UBE2E1: variants seen among roughly 807,000 people sequenced by gnomAD.
UBE2E1 encodes ubiquitin conjugating enzyme E2 E1.
Under a neutral mutation model 21.4 loss-of-function variants are expected in UBE2E1, and 6 were observed. The observed-to-expected ratio is 0.28, with a 90% CI of 0.15 to 0.55. The LOEUF (loss-of-function observed/expected upper bound fraction) is 0.55. Ranked by LOEUF, UBE2E1 falls within the 20% of genes least tolerant of loss-of-function variation. The pLI is 0.93. For synonymous variants in UBE2E1, 87 were observed against 82.7 expected, an observed-to-expected ratio of 1.05 and a Z score of -0.28; for missense variants, 142 against 236.5, an observed-to-expected ratio of 0.60 and a Z score of 2.62.
At chr3:23,865,752 A>G (rs2125316188) in intron 3 of UBE2E1, among the ~76,000 whole-genome samples, 1 of 152,316 alleles carries the variant, frequency 6.6e-6, no homozygotes, top group Non-Finnish European at 1.5e-5. Context: ...ACCAACTGAT[A>G]CCAACATGAA....
chr3:23,811,728 G>T (rs1000754495), intron 3 of UBE2E1, among the ~76,000 whole-genome samples: 7 of 152,174 alleles, frequency 4.6e-5, no homozygotes, highest in African/African-American at 7.2e-5. Context: ...TTTATTTGGA[G>T]TGGATTTTTA....
chr3:23,822,491 T>A (rs1699665629), intron 3 of UBE2E1, among the ~76,000 whole-genome samples: 1 of 152,004 alleles, frequency 6.6e-6, no homozygotes, highest in Non-Finnish European at 1.5e-5. Flanking sequence ...CCCTCTTTCC[T>A]CACCAAAAAA....
At position 23,890,875 on chromosome 3, in the gene UBE2E1, G is replaced by A. The variant is rs1180862894; in HGVS notation, c.*269G>A. 1 of 279,576 alleles carries A rather than the reference G, an allele frequency of 3.6e-6. No homozygotes were observed. Among genetic ancestry groups the A allele is most frequent in the Admixed American group, 5.1e-5 (1 of 19,420 alleles). The allele number at this position is 279,576 out of a possible 1,614,324, so 17.3% of individuals were successfully genotyped here. A position where few individuals can be genotyped will look rare whatever the true frequency, so the allele number is the denominator to read the frequency against. On this transcript the variant is annotated 3_prime_UTR_variant, in exon 6 of 6. Transcript: ENST00000306627. Reference sequence around the variant, plus strand: ...AAAGAATGTACATTTAGACATTTGGGTTCAGTTGCTTGTAGTCTGTAAATT... The same window carrying A: ...AAAGAATGTACATTTAGACATTTGGATTCAGTTGCTTGTAGTCTGTAAATT...
intron 3 of UBE2E1, among the ~76,000 whole-genome samples, chr3:23,871,752 C>T (rs1487646626): frequency 4.7e-5 from 7 of 149,354 alleles, no homozygotes; most frequent in Non-Finnish European, 8.9e-5. Context: ...GGGGCAAAGG[C>T]GCTCCCCACA....
intron 3 of UBE2E1, among the ~76,000 whole-genome samples, chr3:23,847,618 C>T (rs1700235495): frequency 6.6e-6 from 1 of 151,512 alleles, no homozygotes; most frequent in African/African-American, 2.4e-5. Context: ...CCTCAGCCTC[C>T]CGAGTAGCTG....
At chr3:23,834,178 T>C (rs1699929411) in intron 3 of UBE2E1, among the ~76,000 whole-genome samples, 1 of 152,220 alleles carries the variant, frequency 6.6e-6, no homozygotes, top group Non-Finnish European at 1.5e-5. Flanking sequence ...AGTCATACAG[T>C]TTTCTTTGCT....
At chr3:23,832,503 G>C (rs1226854154) in intron 3 of UBE2E1, among the ~76,000 whole-genome samples, 1 of 152,140 alleles carries the variant, frequency 6.6e-6, no homozygotes, top group African/African-American at 2.4e-5. Flanking sequence ...AAATTAGCCA[G>C]GCGTGGTGGT....
At position 23,885,609 on chromosome 3, in the gene UBE2E1, C is replaced by T. The variant is rs1701163745; in HGVS notation, c.204-1958C>T. ...GGTGCGATGGCTCACACCTATAATC[C>T]CAGCACTCTGGGAGGCCGAGGCGGG... On this transcript the variant is annotated intron_variant, in intron 3 of 5. Transcript: ENST00000306627. Among the ~76,000 whole-genome samples, 5 of 152,232 alleles carry T rather than the reference C, an allele frequency of 3.3e-5. No individual in the cohort carries two copies. In the South Asian group the frequency reaches 1.0e-3, roughly 32 times the overall value.
At chr3:23,851,340 G>C (rs182383408) in intron 3 of UBE2E1, among the ~76,000 whole-genome samples, 2 of 152,052 alleles carry the variant, frequency 1.3e-5, no homozygotes, top group South Asian at 4.2e-4. Context: ...CTCTAGCTTC[G>C]TTCTTTTTAA....
intron 5 of UBE2E1, 84 bp downstream of exon 5, chr3:23,889,343 A>AT: frequency 6.3e-7 from 1 of 1,593,552 alleles, no homozygotes; most frequent in African/African-American, 1.3e-5. Context: ...GGACAAAACT[A>AT]ATTTTTCTGC....
intron 3 of UBE2E1, among the ~76,000 whole-genome samples, chr3:23,883,334 A>G (rs745737506): frequency 1.3e-5 from 2 of 152,104 alleles, no homozygotes; most frequent in African/African-American, 2.4e-5. Flanking sequence ...TTATCGAGAA[A>G]TAGGTGGGAT....
At chr3:23,855,496 G>A (rs1006924808) in intron 3 of UBE2E1, among the ~76,000 whole-genome samples, 1 of 152,172 alleles carries the variant, frequency 6.6e-6, no homozygotes, top group African/African-American at 2.4e-5. Flanking sequence ...TTCTTTGGAA[G>A]AGTTAGCACT....
At chr3:23,807,206 G>A in intron 1 of UBE2E1, 31 bp from the exon 2 acceptor site, 2 of 1,540,702 alleles carry the variant, frequency 1.3e-6, no homozygotes, top group Non-Finnish European at 1.7e-6. Flanking sequence ...CATGGTTTGT[G>A]TGTTTCTGTT....
In UBE2E1 at chr3:23,810,535, G is replaced by A. The variant is rs1256055997; in HGVS notation, c.153-925G>A. The stretch of plus-strand genomic sequence containing the variant: ...GACGCCCGGGGAAAAGCAGGTCCGG[G>A]GAGGTGGGCCGAGAGTCCCGGCCAG... On this transcript the variant is annotated intron_variant, in intron 2 of 5. Coordinates refer to ENST00000306627, the MANE Select transcript of UBE2E1 (RefSeq NM_003341.5). This position sits in a 1 kb window ranked among gnomAD's most constrained non-coding sequence, Gnocchi z 5.8. 6.5e-7 allele frequency: 1 copy of A among 1,534,484 alleles called. No homozygotes were observed. The highest frequency in any genetic ancestry group is 1.4e-5 in the African/African-American group (1 of 72,960).
intron 3 of UBE2E1, among the ~76,000 whole-genome samples, chr3:23,862,640 A>C (rs1366894658): frequency 6.6e-6 from 1 of 152,216 alleles, no homozygotes; most frequent in Non-Finnish European, 1.5e-5. Flanking sequence ...ACCATTGTGC[A>C]TGGCAGAGGA....
chr3:23,862,015 C>T (rs761156927), intron 3 of UBE2E1, among the ~76,000 whole-genome samples: 20 of 152,338 alleles, frequency 1.3e-4, no homozygotes, highest in Non-Finnish European at 1.9e-4. Flanking sequence ...GTAACATATG[C>T]CCACTGGGGC....
chr3:23,878,675 T>C (rs1700972953), intron 3 of UBE2E1, among the ~76,000 whole-genome samples: 1 of 152,198 alleles, frequency 6.6e-6, no homozygotes, highest in Non-Finnish European at 1.5e-5. Flanking sequence ...GAACTGCTCA[T>C]GTGAGGGATC....
intron 3 of UBE2E1, among the ~76,000 whole-genome samples, chr3:23,818,278 C>T (rs1293622794): frequency 6.6e-6 from 1 of 152,196 alleles, no homozygotes; most frequent in Admixed American, 6.5e-5. Flanking sequence ...GTTGCTGCCA[C>T]TTAGTAGGTC....
rs1466814285 is a variant in UBE2E1, at chr3:23,887,295, T to C, written c.204-272T>C. ...AGTATTGTTTACACTTTCCTACGTG[T>C]CCAGGAGAGTTTTGAGAATTGAGGA... On this transcript the variant is annotated intron_variant, in intron 3 of 5. Transcript: ENST00000306627. This position sits in a 1 kb window ranked among gnomAD's most constrained non-coding sequence, Gnocchi z 4.4. 1.3e-5 allele frequency among the ~76,000 whole-genome samples: 2 copies of C among 152,222 alleles called. No individual in the cohort carries two copies. The highest frequency in any genetic ancestry group is 2.9e-5 in the Non-Finnish European group (2 of 68,036).
Sources: allele counts gnomAD v4.1 joint callset (sites outside exome capture counted in the v4.1 genomes callset), GRCh38; gene constraint gnomAD v4.1.1; non-coding constraint Gnocchi (gnomAD v3.1); transcripts MANE v1.5; gene names NCBI Gene and HGNC (gene_info 2026-07-23, HGNC 2026-07-21).